The following DNER variants were observed in gnomAD, a reference collection of about 807,000 sequenced individuals.
The protein encoded by DNER is delta/notch like EGF repeat containing.
In DNER, 33 loss-of-function variants were observed where a neutral mutation model predicts 78.2. The observed-to-expected ratio is 0.42, with a 90% confidence interval of 0.32 to 0.56. The LOEUF (loss-of-function observed/expected upper bound fraction) is 0.56. DNER is among the 20% of genes least tolerant of loss of function. DNER has a pLI of 0.11. For synonymous variants in DNER, 417 were observed against 384.8 expected, an observed-to-expected ratio of 1.08 and a Z score of -0.98; for missense variants, 918 against 975.3, an observed-to-expected ratio of 0.94 and a Z score of 0.78.
intron 1 of DNER, among the ~76,000 whole-genome samples, chr2:229,694,584 C>A (rs1325995387): frequency 6.6e-6 from 1 of 152,222 alleles, no homozygotes; most frequent in East Asian, 1.9e-4. Flanking sequence ...GACCTGGAGT[C>A]AAAGGAGATC....
intron 1 of DNER, among the ~76,000 whole-genome samples, chr2:229,675,202 G>T (rs1379579785): frequency 6.6e-6 from 1 of 152,178 alleles, no homozygotes; most frequent in African/African-American, 2.4e-5. Context: ...CCCCAGGAGG[G>T]CAAGTCCAAA....
intron 1 of DNER, among the ~76,000 whole-genome samples, chr2:229,665,875 G>A (rs1364304700): frequency 6.6e-6 from 1 of 152,130 alleles, no homozygotes; most frequent in Non-Finnish European, 1.5e-5. Flanking sequence ...TGGCATGCCT[G>A]CATCTCTGCA....
At chr2:229,477,534 T>C (rs1282763645) in intron 6 of DNER, among the ~76,000 whole-genome samples, 3 of 152,238 alleles carry the variant, frequency 2.0e-5, no homozygotes, top group Non-Finnish European at 4.4e-5. Context: ...TCTTGAAATA[T>C]CAGTCGGAAC....
At chr2:229,603,589 T>C (rs1310705404) in intron 1 of DNER, among the ~76,000 whole-genome samples, 1 of 152,124 alleles carries the variant, frequency 6.6e-6, no homozygotes, top group Non-Finnish European at 1.5e-5. Context: ...AAGTGACCCA[T>C]GCTTGAAGTC....
rs146163382 is a variant in DNER at position 229,367,950 on chromosome 2, C to T, written c.1856-831G>A. On this transcript the variant is annotated intron_variant, in intron 11 of 12. Coordinates refer to ENST00000341772, the MANE Select transcript of DNER (RefSeq NM_139072.4). ...CAATTTTTCAATGTTATCACCTATTCCATATTTAGAAAAAGGCTCAGAAAA... is the reference window on the plus strand; with the variant it reads ...CAATTTTTCAATGTTATCACCTATTTCATATTTAGAAAAAGGCTCAGAAAA... Among the ~76,000 whole-genome samples the T allele has an allele frequency of 6.8e-3, 1,039 of 152,252 alleles. 12 individuals are homozygous for T. The highest frequency in any genetic ancestry group is 0.024 in the African/African-American group (999 of 41,544).
At chr2:229,709,546 A>G (rs1306818794) in intron 1 of DNER, among the ~76,000 whole-genome samples, 2 of 152,194 alleles carry the variant, frequency 1.3e-5, no homozygotes, top group African/African-American at 4.8e-5. Context: ...AAGAACTAGA[A>G]TTCTTTGTTA....
At chr2:229,435,601 G>A (rs550151660) in intron 8 of DNER, among the ~76,000 whole-genome samples, 30 of 152,286 alleles carry the variant, frequency 2.0e-4, no homozygotes, top group Non-Finnish European at 3.8e-4. Context: ...GTAAAGAGGA[G>A]TCTTCTCAAA....
intron 1 of DNER, among the ~76,000 whole-genome samples, chr2:229,640,148 A>T (rs1698591510): frequency 6.6e-6 from 1 of 152,232 alleles, no homozygotes; most frequent in Non-Finnish European, 1.5e-5. Flanking sequence ...TTAAAGGGTT[A>T]CAAGACAAAA....
At chr2:229,454,232 G>T (rs1425066528) in intron 7 of DNER, among the ~76,000 whole-genome samples, 1 of 152,170 alleles carries the variant, frequency 6.6e-6, no homozygotes, top group East Asian at 1.9e-4. Context: ...TACATTTTGG[G>T]GGTGGTTTGT....
At chr2:229,467,551 G>C (rs189931738) in intron 7 of DNER, among the ~76,000 whole-genome samples, 3 of 152,260 alleles carry the variant, frequency 2.0e-5, no homozygotes, top group Admixed American at 2.0e-4. Flanking sequence ...CAGAAGAAGG[G>C]CCAGGACTGT....
chr2:229,500,222 C>T (rs12468972), intron 6 of DNER, among the ~76,000 whole-genome samples: 18,321 of 152,128 alleles, frequency 0.12, 1,236 homozygotes, highest in South Asian at 0.2. Context: ...CGTGAGCCAC[C>T]GTGCCCGGCC....
At chr2:229,645,038 A>C (rs990022573) in intron 1 of DNER, among the ~76,000 whole-genome samples, 7 of 152,008 alleles carry the variant, frequency 4.6e-5, no homozygotes, top group African/African-American at 1.7e-4. Context: ...TTTAAGAGAC[A>C]GGATCTCACT....
chr2:229,518,885 G>T (rs753086635), intron 5 of DNER, among the ~76,000 whole-genome samples: 3 of 151,792 alleles, frequency 2.0e-5, no homozygotes, highest in Non-Finnish European at 4.4e-5. Context: ...TCATTTAAGT[G>T]CCACAGTTTT....
chr2:229,576,557 C>A (rs929918111), intron 4 of DNER, among the ~76,000 whole-genome samples: 1 of 152,114 alleles, frequency 6.6e-6, no homozygotes, highest in African/African-American at 2.4e-5. Flanking sequence ...ATGTGGTCAT[C>A]ATGGTTGCAA....
At chr2:229,577,897 T>C (rs1285369549) in intron 4 of DNER, among the ~76,000 whole-genome samples, 1 of 152,218 alleles carries the variant, frequency 6.6e-6, no homozygotes, top group Non-Finnish European at 1.5e-5. Context: ...AGTTAAAGAA[T>C]ATTCCAAAAA....
intron 5 of DNER, among the ~76,000 whole-genome samples, chr2:229,531,264 C>A (rs572499627): frequency 1.3e-5 from 2 of 152,274 alleles, no homozygotes; most frequent in East Asian, 1.9e-4. Flanking sequence ...ATCAACTCAA[C>A]GAAGTGACGT....
chr2:229,625,429 C>T (rs1259250036), intron 1 of DNER, among the ~76,000 whole-genome samples: 2 of 152,174 alleles, frequency 1.3e-5, no homozygotes, highest in African/African-American at 4.8e-5. Context: ...AACCCAGCCT[C>T]CTCCACTGCT....
At chr2:229,576,378 T>C (rs1427753029) in intron 4 of DNER, among the ~76,000 whole-genome samples, 1 of 148,442 alleles carries the variant, frequency 6.7e-6, no homozygotes, top group East Asian at 2.0e-4. Flanking sequence ...ACTTTTAATA[T>C]AATAAAAAGG....
Position 229,700,851 on chromosome 2 carries a change from C to T in DNER, c.276+13297G>A, listed in dbSNP as rs188481827. On this transcript the variant is annotated intron_variant, in intron 1 of 12. Coordinates refer to ENST00000341772, the MANE Select transcript of DNER (RefSeq NM_139072.4). Reference sequence around the variant, plus strand: ...CAGGAGAATCGCCTGAACCCAGGAGCCACTGCACTCCAGCCTGGGCGACAG... The same window carrying T: ...CAGGAGAATCGCCTGAACCCAGGAGTCACTGCACTCCAGCCTGGGCGACAG... 4.7e-3 allele frequency among the ~76,000 whole-genome samples: 703 copies of T among 151,062 alleles called. 3 individuals are homozygous for T. The highest frequency in any genetic ancestry group is 7.1e-3 in the Non-Finnish European group (481 of 67,834).
Sources: allele counts gnomAD v4.1 joint callset (sites outside exome capture counted in the v4.1 genomes callset), GRCh38; gene constraint gnomAD v4.1.1; transcripts MANE v1.5; gene names NCBI Gene and HGNC (gene_info 2026-07-23, HGNC 2026-07-21).